GASK1B: variants seen among roughly 807,000 people sequenced by gnomAD.
GASK1B encodes the protein golgi associated kinase 1B, also known as Golgi-associated kinase 1B.
A neutral mutation model predicts 42.8 loss-of-function variants in GASK1B; 34 were observed. The ratio of observed to expected loss-of-function variants is 0.79; its 90% CI spans 0.60 to 1.06. The LOEUF (loss-of-function observed/expected upper bound fraction) is 1.06, where lower values mean the gene tolerates loss of function less well. Among genes scored for constraint, GASK1B ranks in the 50% least tolerant of loss-of-function variants. The pLI, the probability that GASK1B is intolerant of heterozygous loss-of-function variation, is 0.00. For missense variants in GASK1B, 686 were observed against 661.0 expected (o/e 1.04, Z -0.42); for synonymous variants, 262 against 259.1 (o/e 1.01, Z -0.11).
chr4:158,161,076 C>A (rs1731974109), intron 2 of GASK1B, among the ~76,000 whole-genome samples: 1 of 151,436 alleles, frequency 6.6e-6, no homozygotes, highest in Admixed American at 6.6e-5. Context: ...ACGTATATAT[C>A]AAAATTACTA....
At chr4:158,161,102 A>T (rs1419490795) in intron 2 of GASK1B, among the ~76,000 whole-genome samples, 1 of 152,140 alleles carries the variant, frequency 6.6e-6, no homozygotes, top group Non-Finnish European at 1.5e-5. Flanking sequence ...ATATATTTAC[A>T]ATGTTTCACC....
intron 3 of GASK1B, among the ~76,000 whole-genome samples, chr4:158,153,708 T>TA (rs1731648402): frequency 6.6e-6 from 1 of 152,126 alleles, no homozygotes. Flanking sequence ...GTCAAATACT[T>TA]ACAGCCAACT....
intron 3 of GASK1B, among the ~76,000 whole-genome samples, chr4:158,149,003 A>G (rs1005046188): frequency 2.0e-5 from 3 of 152,204 alleles, no homozygotes; most frequent in Non-Finnish European, 4.4e-5. Context: ...AGCAAGCATT[A>G]CTACTCCCCT....
At chr4:158,133,927 G>A (rs35560104) in intron 3 of GASK1B, among the ~76,000 whole-genome samples, 5 of 152,180 alleles carry the variant, frequency 3.3e-5, no homozygotes. Context: ...GCGCGTGCAC[G>A]AACACTGTGT....
intron 1 of GASK1B, chr4:158,172,279 T>C (rs1294449427): frequency 6.6e-6 from 1 of 152,222 alleles, no homozygotes; most frequent in African/African-American, 2.4e-5. Flanking sequence ...AAAGCATCTC[T>C]AGTTCTGTTT....
chr4:158,168,040 T>C (rs944483702), intron 2 of GASK1B, among the ~76,000 whole-genome samples: 4 of 152,188 alleles, frequency 2.6e-5, no homozygotes, highest in Admixed American at 1.3e-4. Flanking sequence ...AATTACATTG[T>C]GTAGAGTATT....
At chr4:158,166,216 G>A (rs180898991) in intron 2 of GASK1B, among the ~76,000 whole-genome samples, 2 of 152,222 alleles carry the variant, frequency 1.3e-5, no homozygotes, top group East Asian at 3.9e-4. Context: ...CTGTTATAAA[G>A]TACAATACCA....
chr4:158,130,319 T>C (rs1291925335), intron 4 of GASK1B, among the ~76,000 whole-genome samples: 1 of 152,206 alleles, frequency 6.6e-6, no homozygotes, highest in African/African-American at 2.4e-5. Context: ...TTGGCTGTCA[T>C]TTTCCACTGC....
At position 158,155,759 on chromosome 4, in the gene GASK1B, G is replaced by T. The variant is rs755588782; in HGVS notation, c.977C>A (p.Ser326Tyr). Residue 326 changes from serine to tyrosine, a missense_variant, in exon 3 of 5, where the codon TCT (serine) becomes TAT (tyrosine). Physicochemically the swap from Ser to Tyr is moderately radical, Grantham distance 144. Transcript: ENST00000585682. ...SLSSASNDTH[S>Y]SVKLTWGTYQ... ...AGTTCCCCAGGTGAGCTTAACAGAA[G>T]AATGGGTGTCATTACTTGCTGAAGA... is the stretch of plus-strand genomic sequence containing the variant. The T allele has an allele frequency of 6.8e-6, 11 of 1,613,752 alleles. No individual in the cohort carries two copies. Among genetic ancestry groups the T allele is most frequent in the African/African-American group, 1.3e-5 (1 of 74,898 alleles).
chr4:158,129,278 C>T (rs1436255801), intron 4 of GASK1B, among the ~76,000 whole-genome samples: 2 of 152,098 alleles, frequency 1.3e-5, no homozygotes, highest in East Asian at 3.9e-4. Context: ...ACTCCTAATT[C>T]TAAGAGGGAA....
intron 2 of GASK1B, among the ~76,000 whole-genome samples, chr4:158,160,395 A>G (rs185147336): frequency 6.6e-6 from 1 of 152,292 alleles, no homozygotes; most frequent in Non-Finnish European, 1.5e-5. Context: ...TAAAACCACA[A>G]TAAGATATGA....
Position 158,127,209 on chromosome 4 carries a change from G to C in GASK1B, c.*198C>G. ...AAAAATATAAACAAATATTTCTCAA[G>C]TAGTTTGTTTTTCAAAACCTTTTTA... On this transcript the variant is annotated 3_prime_UTR_variant, in exon 5 of 5. Coordinates refer to ENST00000585682, the MANE Select transcript of GASK1B (RefSeq NM_001128424.2). 3 of 426,150 alleles carry C rather than the reference G, an allele frequency of 7.0e-6. No homozygotes were observed. The East Asian group carries it at 1.1e-4, about 15-fold the overall frequency. 26.4% of individuals were successfully genotyped at this position (426,150 alleles called of 1,614,324 possible). A position where few individuals can be genotyped will look rare whatever the true frequency, so the allele number is the denominator to read the frequency against.
At position 158,127,443 on chromosome 4, in the gene GASK1B, A is replaced by AT; in HGVS notation, c.1523dup (p.Asn508LysfsTer12). 1 of 1,613,706 alleles carries AT rather than the reference A, an allele frequency of 6.2e-7. No individual in the cohort carries two copies. Among genetic ancestry groups the AT allele is most frequent in the Non-Finnish European group, 8.5e-7 (1 of 1,179,696 alleles). On this transcript the variant is annotated frameshift_variant, in exon 5 of 5. Transcript: ENST00000585682. LOFTEE classifies it high-confidence loss of function. ...TAGGTAATACTTTGACCCCGTGTGC[A>AT]TTGATATAGGTGATAAGAATTTTGG... is the stretch of plus-strand genomic sequence containing the variant.
intron 2 of GASK1B, among the ~76,000 whole-genome samples, chr4:158,158,872 G>A (rs995166123): frequency 6.6e-6 from 1 of 151,942 alleles, no homozygotes. Context: ...AAATTATAGA[G>A]ACTATTTTTA....
Position 158,155,831 on chromosome 4 carries a change from G to A in GASK1B, c.911-6C>T. The A allele has an allele frequency of 1.2e-6, 2 of 1,612,724 alleles. No individual in the cohort carries two copies. The highest frequency in any genetic ancestry group is 1.7e-6 in the Non-Finnish European group (2 of 1,178,976). The stretch of plus-strand genomic sequence containing the variant: ...GATGGGGCATGGGCGGCCATCTATA[G>A]AATCAGAAAAACAAACACACTTTCA... On this transcript the variant is annotated splice_polypyrimidine_tract_variant and splice_region_variant and intron_variant, in intron 2 of 4. Transcript: ENST00000585682.
intron 2 of GASK1B, among the ~76,000 whole-genome samples, chr4:158,157,240 A>G (rs1467917110): frequency 2.0e-5 from 3 of 152,112 alleles, no homozygotes; most frequent in African/African-American, 7.2e-5. Flanking sequence ...ATTATGGAAA[A>G]TATGCCACAA....
intron 3 of GASK1B, among the ~76,000 whole-genome samples, chr4:158,146,809 A>T (rs941430038): frequency 2.0e-5 from 3 of 152,168 alleles, no homozygotes; most frequent in African/African-American, 7.2e-5. Context: ...AATCTTGGAG[A>T]CTCAAACACT....
At chr4:158,163,210 AAG>A (rs1354555485) in intron 2 of GASK1B, among the ~76,000 whole-genome samples, 1 of 152,240 alleles carries the variant, frequency 6.6e-6, no homozygotes. Flanking sequence ...TAAACCAACT[AAG>A]AAAATCTAAA....
intron 2 of GASK1B, among the ~76,000 whole-genome samples, chr4:158,158,117 G>A (rs961935176): frequency 2.6e-5 from 4 of 151,946 alleles, no homozygotes; most frequent in Non-Finnish European, 4.4e-5. Context: ...ATTTTGTAAC[G>A]TTAGAGAAGT....
Sources: gnomAD v4.1 joint callset for allele counts (sites outside exome capture counted in the v4.1 genomes callset) on GRCh38, gnomAD v4.1.1 for gene constraint, MANE v1.5 for transcripts, NCBI Gene and HGNC (gene_info 2026-07-23, HGNC 2026-07-21) for gene names.